ARHGEF12: variants seen among roughly 807,000 people sequenced by gnomAD.
ARHGEF12 encodes the protein Rho guanine nucleotide exchange factor 12, also known as KMT2A/ARHGEF12 fusion protein.
In ARHGEF12, 66 loss-of-function variants were observed where a neutral mutation model predicts 211.2. The observed-to-expected ratio is 0.31, with a 90% CI of 0.26 to 0.38. ARHGEF12 has a LOEUF of 0.38. Ranked by LOEUF, ARHGEF12 falls within the 10% of genes least tolerant of loss-of-function variation. The probability of loss-of-function intolerance (pLI) is 1.00; values close to 1 mark genes in which losing one functional copy is unlikely to be tolerated. For synonymous variants in ARHGEF12, 592 were observed against 638.4 expected (o/e 0.93, Z 1.09); for missense variants, 1,429 against 1,869.5 (o/e 0.76, Z 4.34).
chr11:120,465,092 A>G (rs993192936), intron 27 of ARHGEF12, 145 bp from the exon 28 acceptor site: 13 of 981,002 alleles, frequency 1.3e-5, no homozygotes, highest in Non-Finnish European at 2.0e-5. Flanking sequence ...TTTAATGGAG[A>G]ACCATTGATA....
chr11:120,432,783 G>C (rs866331699), intron 11 of ARHGEF12, among the ~76,000 whole-genome samples: 8 of 152,074 alleles, frequency 5.3e-5, no homozygotes, highest in African/African-American at 1.7e-4. Flanking sequence ...TGTTGTTGGG[G>C]GATTGTTTTG....
Position 120,474,652 on chromosome 11 carries a change from C to A in ARHGEF12, c.3109+17C>A. ...AAACTATTGGTAGGTCTGATATTGT[C>A]TTTTAGTTTTGGGGAGAGTGGCAAA... On this transcript the variant is annotated intron_variant, in intron 32 of 40. Transcript: ENST00000397843. 1 of 1,591,462 alleles carries A rather than the reference C, an allele frequency of 6.3e-7. No individual in the cohort carries two copies. The highest frequency in any genetic ancestry group is 1.2e-5 in the South Asian group (1 of 86,828).
At chr11:120,456,576 A>T (rs763782457) in intron 22 of ARHGEF12, among the ~76,000 whole-genome samples, 1 of 152,252 alleles carries the variant, frequency 6.6e-6, no homozygotes, top group Non-Finnish European at 1.5e-5. Context: ...GAAAACATGA[A>T]AAAGGATTGA....
Position 120,366,389 on chromosome 11 carries a change from C to T in ARHGEF12, c.32+29114C>T, listed in dbSNP as rs1418436573. Among the ~76,000 whole-genome samples, 5 of 152,090 alleles carry T rather than the reference C, an allele frequency of 3.3e-5. No individual in the cohort carries two copies. The East Asian group carries it at 9.7e-4, about 29-fold the overall frequency. ...CCCAGGCTGGTCTCCAACTTCTGGCCCCAAGCAGTCCTCCCACCTTGGGCT... is the reference window on the plus strand; with the variant it reads ...CCCAGGCTGGTCTCCAACTTCTGGCTCCAAGCAGTCCTCCCACCTTGGGCT... On this transcript the variant is annotated intron_variant, in intron 1 of 40. Transcript: ENST00000397843.
At chr11:120,434,477 T>C (rs1394199023) in intron 11 of ARHGEF12, among the ~76,000 whole-genome samples, 2 of 152,210 alleles carry the variant, frequency 1.3e-5, no homozygotes, top group African/African-American at 4.8e-5. Flanking sequence ...ATGTGTTGCT[T>C]TTAGCTTATG....
rs1218327338 is a variant in ARHGEF12, at chr11:120,485,976, T to C, written c.*899T>C. On this transcript the variant is annotated 3_prime_UTR_variant, in exon 41 of 41. Coordinates refer to ENST00000397843, the MANE Select transcript of ARHGEF12 (RefSeq NM_015313.3). ...CTTGGTATCATTTCATTTTTATAAT[T>C]ATACATTAGACATTGGCACTTGTGT... 1 of 233,410 alleles carries C rather than the reference T, an allele frequency of 4.3e-6. No individual in the cohort carries two copies. The highest frequency in any genetic ancestry group is 8.5e-6 in the Non-Finnish European group (1 of 117,948). 14.5% of individuals were successfully genotyped at this position (233,410 alleles called of 1,614,324 possible).
chr11:120,351,718 G>T (rs569827868), intron 1 of ARHGEF12, among the ~76,000 whole-genome samples: 1 of 151,820 alleles, frequency 6.6e-6, no homozygotes, highest in Non-Finnish European at 1.5e-5. Flanking sequence ...TGATCTGCCC[G>T]CCTCGGCCTC....
intron 28 of ARHGEF12, among the ~76,000 whole-genome samples, chr11:120,465,835 T>G (rs948407430): frequency 3.3e-5 from 5 of 152,168 alleles, no homozygotes; most frequent in African/African-American, 1.2e-4. Context: ...TTTGGAATGG[T>G]GAAGAATAAT....
In ARHGEF12 at chr11:120,406,120, T is replaced by C; in HGVS notation, c.35T>C (p.Phe12Ser). ...SGTQSTITDR[F>S]PLKKPIRHGS... ...TCCTTATTTTTTCTTTGTTTCAGGT[T>C]TCCCCTCAAAAAACCTATAAGGTAA... Residue 12 changes from phenylalanine to serine, a missense_variant and splice_region_variant, in exon 2 of 41, where the codon TTT becomes TCT. Coordinates refer to ENST00000397843, the MANE Select transcript of ARHGEF12 (RefSeq NM_015313.3). The C allele has an allele frequency of 6.5e-7, 1 of 1,541,638 alleles. No individual in the cohort carries two copies. Among genetic ancestry groups the C allele is most frequent in the Non-Finnish European group, 8.7e-7 (1 of 1,148,812 alleles).
At chr11:120,467,436 T>TC (rs1377092141) in intron 29 of ARHGEF12, 128 bp downstream of exon 29, 4 of 465,450 alleles carry the variant, frequency 8.6e-6, no homozygotes, top group African/African-American at 2.1e-5. Flanking sequence ...AGATTTTCTT[T>TC]TTTTTTTTTT....
chr11:120,383,156 A>G (rs961593256), intron 1 of ARHGEF12, among the ~76,000 whole-genome samples: 1 of 152,048 alleles, frequency 6.6e-6, no homozygotes, highest in Non-Finnish European at 1.5e-5. Context: ...AAAGAGAAAC[A>G]GTGTCTTTGG....
At chr11:120,484,201 A>G (rs1485813989) in intron 39 of ARHGEF12, among the ~76,000 whole-genome samples, 3 of 152,194 alleles carry the variant, frequency 2.0e-5, no homozygotes, top group Non-Finnish European at 4.4e-5. Context: ...TACCACCTCT[A>G]CTTTCTTTTT....
chr11:120,451,863 A>G lies in ARHGEF12; in HGVS notation c.2056+139A>G, dbSNP rs547015994. ...TTGACATTTTAATATGCTACAACCA[A>G]TAAGAAATCTATGCCGAATGATAAC... On this transcript the variant is annotated intron_variant, in intron 22 of 40. Transcript: ENST00000397843. The G allele has an allele frequency of 2.6e-5, 20 of 782,450 alleles. No homozygotes were observed. The African/African-American group carries it at 3.1e-4, about 12-fold the overall frequency. The allele number at this position is 782,450 out of a possible 1,614,324, so 48.5% of individuals were successfully genotyped here. A position where few individuals can be genotyped will look rare whatever the true frequency, so the allele number is the denominator to read the frequency against.
In ARHGEF12 at chr11:120,428,235, T is replaced by C; in HGVS notation, c.573T>C (p.Pro191=). The change falls in exon 8 of 41, where the codon CCT becomes CCC. Residue 191 remains proline (P), a synonymous_variant. Coordinates refer to ENST00000397843, the MANE Select transcript of ARHGEF12 (RefSeq NM_015313.3). ...ASGNMERITS[P]VLMGEENNVV... is the part of the protein sequence containing the mutation. ...GGAATATGGAGAGAATCACTAGTCC[T>C]GTGCTCATGGGGGTAAGAATGGGGA... 1 of 1,592,042 alleles carries C rather than the reference T, an allele frequency of 6.3e-7. No individual in the cohort carries two copies. Among genetic ancestry groups the C allele is most frequent in the South Asian group, 1.2e-5 (1 of 85,416 alleles).
At chr11:120,407,329 C>T (rs971135735) in intron 2 of ARHGEF12, among the ~76,000 whole-genome samples, 2 of 152,166 alleles carry the variant, frequency 1.3e-5, no homozygotes, top group Non-Finnish European at 2.9e-5. Flanking sequence ...AAACCGTTCT[C>T]ATGCATGCTC....
intron 4 of ARHGEF12, among the ~76,000 whole-genome samples, chr11:120,416,399 G>A (rs1945027192): frequency 6.6e-6 from 1 of 152,180 alleles, no homozygotes; most frequent in Non-Finnish European, 1.5e-5. Context: ...ATCAGTGTGA[G>A]TAAGGGTGAT....
intron 33 of ARHGEF12, chr11:120,476,126 A>G (rs1947020422): frequency 6.5e-6 from 1 of 152,700 alleles, no homozygotes; most frequent in Non-Finnish European, 1.5e-5. Context: ...GCTGGAGTGC[A>G]GTGGTACAAC....
chr11:120,416,897 ATCT>A, intron 4 of ARHGEF12, among the ~76,000 whole-genome samples: 1 of 152,114 alleles, frequency 6.6e-6, no homozygotes, highest in Admixed American at 6.5e-5. Context: ...TGATCCGCCC[ATCT>A]CAGCCTTCCA....
At chr11:120,346,540 T>G (rs552267739) in intron 1 of ARHGEF12, among the ~76,000 whole-genome samples, 1 of 152,354 alleles carries the variant, frequency 6.6e-6, no homozygotes, top group South Asian at 2.1e-4. Context: ...TGTATAGTCC[T>G]TCCACAGGTG....
Sources: gnomAD v4.1 joint callset for allele counts (sites outside exome capture counted in the v4.1 genomes callset) on GRCh38, gnomAD v4.1.1 for gene constraint, MANE v1.5 for transcripts, NCBI Gene and HGNC (gene_info 2026-07-23, HGNC 2026-07-21) for gene names.